IKZF4: variants seen among roughly 807,000 people sequenced by gnomAD.
The protein encoded by IKZF4 is zinc finger protein Eos.
IKZF4 carries 11 observed loss-of-function variants against 47.7 expected under a neutral mutation model. That is an observed-to-expected ratio of 0.23 (90% CI 0.15 to 0.38). The LOEUF (loss-of-function observed/expected upper bound fraction) is 0.38. Ranked by LOEUF, IKZF4 falls within the 10% of genes least tolerant of loss-of-function variation. The pLI, the probability that IKZF4 is intolerant of heterozygous loss-of-function variation, is 1.00. For missense variants in IKZF4, 557 were observed against 784.9 expected, an observed-to-expected ratio of 0.71 and a Z score of 3.47; for synonymous variants, 298 against 299.4, an observed-to-expected ratio of 1.00 and a Z score of 0.05.
At chr12:56,013,607 A>C (rs934158322) in intron 2 of IKZF4, among the ~76,000 whole-genome samples, 1 of 152,120 alleles carries the variant, frequency 6.6e-6, no homozygotes, top group Non-Finnish European at 1.5e-5. Context: ...TGTGTCTCCA[A>C]TTGGCAGTGC....
At chr12:56,012,912 A>C (rs1891513090) in intron 2 of IKZF4, among the ~76,000 whole-genome samples, 1 of 152,144 alleles carries the variant, frequency 6.6e-6, no homozygotes, top group Non-Finnish European at 1.5e-5. Flanking sequence ...TGAGGCCAAG[A>C]GTTTGAGGCT....
intron 1 of IKZF4, among the ~76,000 whole-genome samples, chr12:56,010,893 C>G (rs1891250442): frequency 1.3e-5 from 2 of 152,150 alleles, no homozygotes; most frequent in East Asian, 1.9e-4. Flanking sequence ...CAGAGCAAGA[C>G]TATTAGCAGA....
intron 1 of IKZF4, 88 bp downstream of exon 1, chr12:56,021,668 G>GGAGATGGA: frequency 6.6e-7 from 1 of 1,511,434 alleles, no homozygotes; most frequent in Non-Finnish European, 8.9e-7. Flanking sequence ...CCAAGCCTGA[G>GGAGATGGA]GAGATGGAGA....
intron 2 of IKZF4, among the ~76,000 whole-genome samples, chr12:56,015,370 C>T (rs991482332): frequency 1.3e-5 from 2 of 151,846 alleles, no homozygotes; most frequent in Admixed American, 1.3e-4. Context: ...CTACCACGCC[C>T]GGCTTCAAGT....
chr12:56,032,774 G>A, intron 6 of IKZF4, 64 bp downstream of exon 6: 2 of 1,554,596 alleles, frequency 1.3e-6, no homozygotes, highest in East Asian at 2.2e-5. Context: ...GCTAGACAAG[G>A]GTGACTCCAG....
intron 1 of IKZF4, among the ~76,000 whole-genome samples, chr12:56,008,464 A>G (rs1479440167): frequency 6.6e-6 from 1 of 151,752 alleles, no homozygotes; most frequent in Non-Finnish European, 1.5e-5. Flanking sequence ...CCATCCCGTT[A>G]TTTTCTTACC....
At chr12:56,030,125 C>T (rs2136690652) in intron 5 of IKZF4, among the ~76,000 whole-genome samples, 1 of 152,234 alleles carries the variant, frequency 6.6e-6, no homozygotes, top group South Asian at 2.1e-4. Context: ...CTCATAGAAG[C>T]ACGGAGTAGG....
intron 6 of IKZF4, among the ~76,000 whole-genome samples, 173 bp downstream of exon 6, chr12:56,032,883 C>T (rs983922237): frequency 1.3e-5 from 2 of 152,096 alleles, no homozygotes; most frequent in Non-Finnish European, 2.9e-5. Flanking sequence ...TGGTGGAGAG[C>T]CTTGTCTGTG....
rs1290962931 is a variant in IKZF4 at position 56,025,178 on chromosome 12, A to G, written c.286+20A>G. ...TCAGTGGTAAGTGTAACCTCCTACC[A>G]CCTCCTGGCAGTAGGCACCCCCTGT... On this transcript the variant is annotated intron_variant, in intron 3 of 7. Coordinates refer to ENST00000547167, the MANE Select transcript of IKZF4 (RefSeq NM_022465.4). The G allele has an allele frequency of 6.6e-7, 1 of 1,522,084 alleles. No individual in the cohort carries two copies. Among genetic ancestry groups the G allele is most frequent in the South Asian group, 1.3e-5 (1 of 78,474 alleles). 94.3% of individuals were successfully genotyped at this position (1,522,084 alleles called of 1,614,324 possible). A position where few individuals can be genotyped will look rare whatever the true frequency, so the allele number is the denominator to read the frequency against.
intron 1 of IKZF4, among the ~76,000 whole-genome samples, chr12:56,009,062 G>A (rs1891050250): frequency 6.6e-6 from 1 of 151,942 alleles, no homozygotes. Context: ...GTCAACCCTC[G>A]CTTATATGTC....
chr12:56,022,146 T>C (rs902406558), intron 1 of IKZF4, among the ~76,000 whole-genome samples: 4 of 152,164 alleles, frequency 2.6e-5, no homozygotes, highest in Non-Finnish European at 5.9e-5. Flanking sequence ...GTGTGGAGGT[T>C]CTCCATGTTC....
At position 56,023,713 on chromosome 12, in the gene IKZF4, C is replaced by T. The variant is rs772318301; in HGVS notation, c.130C>T (p.Pro44Ser). Reference sequence around the variant, plus strand: ...AGGAGGGTGTGTTCCGGATTTCTTGCCTCAGGCCCAAGACTCCAACCATTT... The same window carrying T: ...AGGAGGGTGTGTTCCGGATTTCTTGTCTCAGGCCCAAGACTCCAACCATTT... ...PSGGCVPDFLPQAQDSNHFIM... is the reference protein window; with the variant it reads ...PSGGCVPDFLSQAQDSNHFIM... Residue 44 changes from proline (P) to serine (S), a missense_variant, in exon 2 of 8, where the codon CCT becomes TCT. By Grantham distance (74) the Pro-to-Ser change is moderately conservative. Around this residue, in one of 6 missense-constraint regions of IKZF4, gnomAD observed 112 missense variants for 168.2 expected, o/e 0.67. Coordinates refer to ENST00000547167, the MANE Select transcript of IKZF4 (RefSeq NM_022465.4). The T allele has an allele frequency of 6.2e-7, 1 of 1,613,962 alleles. No individual in the cohort carries two copies. The highest frequency in any genetic ancestry group is 8.5e-7 in the Non-Finnish European group (1 of 1,179,862).
At chr12:56,034,303 C>G (rs537159245) in intron 7 of IKZF4, among the ~76,000 whole-genome samples, 19 of 152,172 alleles carry the variant, frequency 1.2e-4, no homozygotes, top group Non-Finnish European at 2.8e-4. Context: ...ATCCCCAGCA[C>G]TAGTCATGAG....
chr12:56,023,648 T>C, intron 1 of IKZF4, 23 bp from the exon 2 acceptor site: 1 of 1,612,644 alleles, frequency 6.2e-7, no homozygotes, highest in Non-Finnish European at 8.5e-7. Context: ...CCTGAGTGGT[T>C]GTTTTCTTCC....
chr12:56,021,417 C>G lies in IKZF4; in HGVS notation c.-77C>G, dbSNP rs1038428420. The G allele has an allele frequency of 1.9e-6, 3 of 1,550,228 alleles. No individual in the cohort carries two copies. Among genetic ancestry groups the G allele is most frequent in the Non-Finnish European group, 2.6e-6 (3 of 1,147,202 alleles). On this transcript the variant is annotated 5_prime_UTR_variant, in exon 1 of 8. Transcript: ENST00000547167. ...TGCTGCCTGCGAAATGACGGCGGTT[C>G]CCCTCACTTCCAGGAATCCACGCTT...
chr12:56,011,015 A>G (rs886323585), intron 1 of IKZF4: 2 of 152,184 alleles, frequency 1.3e-5, no homozygotes, highest in Non-Finnish European at 2.9e-5. Context: ...TGTCTCTTCT[A>G]CATTTTTTTT....
intron 5 of IKZF4, among the ~76,000 whole-genome samples, chr12:56,031,641 A>G (rs1233077182): frequency 6.6e-6 from 1 of 152,206 alleles, no homozygotes; most frequent in African/African-American, 2.4e-5. Context: ...CTCCCTGCTC[A>G]ATAGCAGCAA....
intron 1 of IKZF4, chr12:56,010,177 C>CTTTATTGT (rs1891175416): frequency 6.6e-6 from 1 of 152,144 alleles, no homozygotes; most frequent in Non-Finnish European, 1.5e-5. Flanking sequence ...CAGAGGGACT[C>CTTTATTGT]CCTTTCTTTA....
chr12:56,019,401 C>G, upstream of IKZF4: 1 of 983,184 alleles, frequency 1.0e-6, no homozygotes, highest in Non-Finnish European at 1.2e-6. Context: ...ATTGGCAACA[C>G]CCGGGTAATG....
Sources: allele counts gnomAD v4.1 joint callset (sites outside exome capture counted in the v4.1 genomes callset), GRCh38; gene constraint gnomAD v4.1.1; regional missense constraint gnomAD v4.1.1; transcripts MANE v1.5; gene names NCBI Gene and HGNC (gene_info 2026-07-23, HGNC 2026-07-21).